Variants in DNAH14 observed in about 807,000 individuals in gnomAD.
The protein encoded by DNAH14 is dynein axonemal heavy chain 14, also known as axonemal beta dynein heavy chain 14.
Under a neutral mutation model 520.9 loss-of-function variants are expected in DNAH14, and 478 were observed. That is an observed-to-expected ratio of 0.92 (90% CI 0.85 to 0.99). DNAH14 has a LOEUF of 0.99. DNAH14 is among the 50% of genes least tolerant of loss of function. The pLI is 0.00. For missense variants in DNAH14, 4,831 were observed against 5,234.5 expected, an observed-to-expected ratio of 0.92 and a Z score of 2.38; for synonymous variants, 1,581 against 1,757.2, an observed-to-expected ratio of 0.90 and a Z score of 2.51.
chr1:225,273,722 C>T (rs575872628), intron 52 of DNAH14, among the ~76,000 whole-genome samples: 1 of 152,288 alleles, frequency 6.6e-6, no homozygotes, highest in South Asian at 2.1e-4. Context: ...ACTCCTCATC[C>T]TTCTCCGTCT....
At chr1:225,350,008 G>A (rs1411808115) in intron 71 of DNAH14, among the ~76,000 whole-genome samples, 2 of 152,108 alleles carry the variant, frequency 1.3e-5, no homozygotes, top group Non-Finnish European at 1.5e-5. Context: ...TTCTTCTTAA[G>A]TGCACAAAAA....
At chr1:225,265,071 A>G (rs2093063644) in intron 47 of DNAH14, 111 bp from the exon 48 acceptor site, 1 of 801,944 alleles carries the variant, frequency 1.2e-6, no homozygotes, top group Non-Finnish European at 1.9e-6. Flanking sequence ...GAAAATGACA[A>G]CAAAATAGTA....
At chr1:225,062,656 A>G (rs1572802142) in intron 17 of DNAH14, among the ~76,000 whole-genome samples, 2 of 152,240 alleles carry the variant, frequency 1.3e-5, no homozygotes, top group African/African-American at 4.8e-5. Flanking sequence ...AATTGTAAGC[A>G]GAACAATCTT....
chr1:225,025,943 A>T (rs565086639), intron 11 of DNAH14, among the ~76,000 whole-genome samples: 1 of 151,990 alleles, frequency 6.6e-6, no homozygotes, highest in Admixed American at 6.6e-5. Flanking sequence ...CCATTTATAT[A>T]TGTTCTTTGA....
chr1:225,054,326 A>G (rs2068832316), intron 17 of DNAH14, among the ~76,000 whole-genome samples: 1 of 152,176 alleles, frequency 6.6e-6, no homozygotes, highest in African/African-American at 2.4e-5. Context: ...TATTTAAATT[A>G]TGGATTTTTA....
At chr1:224,945,598 G>GT (rs1382064756) in intron 1 of DNAH14, among the ~76,000 whole-genome samples, 17 of 152,180 alleles carry the variant, frequency 1.1e-4, no homozygotes, top group Admixed American at 3.9e-4. Flanking sequence ...TTTCTGCTCT[G>GT]TTTTTTCCCC....
intron 36 of DNAH14, among the ~76,000 whole-genome samples, chr1:225,182,779 A>T (rs1341317181): frequency 6.6e-6 from 1 of 152,168 alleles, no homozygotes; most frequent in Non-Finnish European, 1.5e-5. Context: ...GCACAAAGAG[A>T]GTATTTAGAC....
At chr1:225,161,608 C>G (rs1375102527) in intron 35 of DNAH14, among the ~76,000 whole-genome samples, 3 of 152,160 alleles carry the variant, frequency 2.0e-5, no homozygotes, top group African/African-American at 7.2e-5. Context: ...AGTGGTTGTA[C>G]TAATTTACAT....
Position 225,144,515 on chromosome 1 carries a change from C to G in DNAH14, c.4627C>G (p.Leu1543Val). The G allele has an allele frequency of 1.3e-6, 2 of 1,551,478 alleles. No individual in the cohort carries two copies. The highest frequency in any genetic ancestry group is 1.7e-6 in the Non-Finnish European group (2 of 1,146,990). ...TACCTCAAGATTGGTTATTACGCCT[C>G]TCACAGACCGATGCTGGCTGACTCT... ...GCTSRLVITP[L>V]TDRCWLTLME... Residue 1543 changes from leucine to valine, a missense_variant, in exon 29 of 86, where the codon CTC (leucine) becomes GTC (valine). Coordinates refer to ENST00000682510, the MANE Select transcript of DNAH14 (RefSeq NM_001367479.1).
At chr1:224,933,378 A>G (rs2058822683) in intron 1 of DNAH14, among the ~76,000 whole-genome samples, 1 of 151,960 alleles carries the variant, frequency 6.6e-6, no homozygotes. Flanking sequence ...ACAGAGAGGG[A>G]CCATTTGATT....
intron 8 of DNAH14, among the ~76,000 whole-genome samples, chr1:225,001,083 G>C (rs1326359554): frequency 1.3e-5 from 2 of 151,056 alleles, no homozygotes; most frequent in African/African-American, 4.9e-5. Context: ...CCCCTTTCCT[G>C]GTCCTTTAGC....
chr1:225,039,629 G>T (rs915758464), intron 12 of DNAH14, among the ~76,000 whole-genome samples: 2 of 150,452 alleles, frequency 1.3e-5, no homozygotes, highest in Non-Finnish European at 3.0e-5. Flanking sequence ...TTTTCTCTCC[G>T]TTGGTATTAT....
intron 68 of DNAH14, among the ~76,000 whole-genome samples, chr1:225,340,147 G>T (rs2150377835): frequency 6.6e-6 from 1 of 151,278 alleles, no homozygotes; most frequent in African/African-American, 2.4e-5. Context: ...CACTCACTCA[G>T]GTAAAAACCA....
At chr1:225,332,439 A>G (rs905787687) in intron 65 of DNAH14, among the ~76,000 whole-genome samples, 3 of 152,042 alleles carry the variant, frequency 2.0e-5, no homozygotes, top group Admixed American at 1.3e-4. Flanking sequence ...TTATCGACCA[A>G]TCAAGCACAT....
At chr1:225,089,621 A>C (rs549254682) in intron 21 of DNAH14, among the ~76,000 whole-genome samples, 5 of 152,086 alleles carry the variant, frequency 3.3e-5, no homozygotes, top group Non-Finnish European at 4.4e-5. Flanking sequence ...ATATACAGAG[A>C]ATGTTGTATT....
intron 36 of DNAH14, among the ~76,000 whole-genome samples, chr1:225,170,382 G>A (rs571582757): frequency 1.1e-4 from 16 of 152,180 alleles, no homozygotes; most frequent in African/African-American, 2.4e-4. Context: ...CCCATCTCAC[G>A]TGCAGAGACA....
intron 41 of DNAH14, among the ~76,000 whole-genome samples, chr1:225,229,695 A>G (rs1281206568): frequency 1.3e-5 from 2 of 151,630 alleles, no homozygotes; most frequent in Non-Finnish European, 2.9e-5. Flanking sequence ...ACATGTTCTC[A>G]CTCATAAGCT....
intron 27 of DNAH14, among the ~76,000 whole-genome samples, chr1:225,134,751 A>G (rs1056568109): frequency 3.3e-5 from 5 of 151,962 alleles, no homozygotes; most frequent in Non-Finnish European, 7.4e-5. Flanking sequence ...ATGAGTTAGG[A>G]AAGAGTCCTT....
chr1:225,316,361 G>T (rs903013193), intron 60 of DNAH14, among the ~76,000 whole-genome samples: 2 of 152,162 alleles, frequency 1.3e-5, no homozygotes, highest in African/African-American at 4.8e-5. Context: ...GGGAGTGAAT[G>T]GTTCTGTCTT....
Sources: gnomAD v4.1 joint callset for allele counts (sites outside exome capture counted in the v4.1 genomes callset) on GRCh38, gnomAD v4.1.1 for gene constraint, MANE v1.5 for transcripts, NCBI Gene and HGNC (gene_info 2026-07-23, HGNC 2026-07-21) for gene names.